Variants in ADCY9 observed in about 807,000 individuals in gnomAD.
ADCY9 encodes adenylate cyclase 9, also known as adenylate cyclase type 9.
Under a neutral mutation model 101.5 loss-of-function variants are expected in ADCY9, and 50 were observed. The observed-to-expected ratio is 0.49, with a 90% CI of 0.39 to 0.62. ADCY9 has a LOEUF of 0.62. Ranked by LOEUF, ADCY9 falls within the 20% of genes least tolerant of loss-of-function variation. The probability of loss-of-function intolerance (pLI) is 0.00; values close to 1 mark genes in which losing one functional copy is unlikely to be tolerated. For synonymous variants in ADCY9, 905 were observed against 769.3 expected, an observed-to-expected ratio of 1.18 and a Z score of -2.92; for missense variants, 1,662 against 1,800.4, an observed-to-expected ratio of 0.92 and a Z score of 1.39.
downstream of ADCY9, among the ~76,000 whole-genome samples, chr16:3,957,686 C>A (rs1010469817): frequency 3.3e-5 from 5 of 150,858 alleles, no homozygotes; most frequent in African/African-American, 1.2e-4. Context: ...GCTAGAAAGC[C>A]GTGGAGAATA....
At chr16:3,960,987 C>T (rs2055934508), downstream of ADCY9, among the ~76,000 whole-genome samples, 1 of 140,648 alleles carries the variant, frequency 7.1e-6, no homozygotes, top group African/African-American at 2.6e-5. Flanking sequence ...CAGGTGGCCA[C>T]AGCCATAGAT....
intron 2 of ADCY9, among the ~76,000 whole-genome samples, chr16:4,076,855 T>A (rs1012546721): frequency 2.0e-5 from 3 of 151,888 alleles, no homozygotes; most frequent in African/African-American, 7.3e-5. Flanking sequence ...GGGAGGAGGA[T>A]CACCTGAGGT....
intron 2 of ADCY9, among the ~76,000 whole-genome samples, chr16:4,044,680 G>C (rs1004150871): frequency 1.3e-5 from 2 of 152,150 alleles, no homozygotes; most frequent in African/African-American, 4.8e-5. Context: ...AACAGAGAAG[G>C]CTGATCTATT....
rs1162803356 is a variant in ADCY9, at chr16:3,966,623, C to G, written c.3214G>C (p.Glu1072Gln). 3 of 1,614,170 alleles carry G rather than the reference C, an allele frequency of 1.9e-6. No homozygotes were observed. The highest frequency in any genetic ancestry group is 1.3e-5 in the African/African-American group (1 of 75,030). The change falls in exon 11 of 11, where the codon GAG becomes CAG. Residue 1072 changes from glutamate to glutamine, a missense_variant. Coordinates refer to ENST00000294016, the MANE Select transcript of ADCY9 (RefSeq NM_001116.4). Reference protein sequence around the residue: ...ASIVNFSEFYEENYEGGKECY... With the variant: ...ASIVNFSEFYQENYEGGKECY... The stretch of plus-strand genomic sequence containing the variant: ...TCCTTGCCGCCCTCGTAGTTCTCCT[C>G]GTAGAACTCGCTGAAGTTGACGATG...
chr16:3,981,427 T>TG (rs1276333981), intron 7 of ADCY9, among the ~76,000 whole-genome samples: 1 of 152,088 alleles, frequency 6.6e-6, no homozygotes. Flanking sequence ...AAGGCAGACC[T>TG]GGGGGAGTGA....
chr16:3,966,187 C>T lies in ADCY9; in HGVS notation c.3650G>A (p.Ser1217Asn). 6.2e-7 allele frequency: 1 copy of T among 1,614,224 alleles called. No homozygotes were observed. The highest frequency in any genetic ancestry group is 8.5e-7 in the Non-Finnish European group (1 of 1,180,044). Residue 1217 changes from serine (S) to asparagine (N), a missense_variant, in exon 11 of 11, where the codon AGC (serine) becomes AAC (asparagine). By Grantham distance (46) the Ser-to-Asn change is conservative. Coordinates refer to ENST00000294016, the MANE Select transcript of ADCY9 (RefSeq NM_001116.4). ...QVSEESYRVL[S>N]KMGYDFDYRG... ...GTAGTCGAAGTCATAGCCCATCTTG[C>T]TCAAGACGCGGTAGCTCTCTTCGCT...
At chr16:4,001,104 T>A (rs1230460919) in intron 3 of ADCY9, among the ~76,000 whole-genome samples, 2 of 152,034 alleles carry the variant, frequency 1.3e-5, no homozygotes, top group African/African-American at 4.8e-5. Flanking sequence ...ATACTCACCG[T>A]ACAGTTATCA....
At position 3,956,488 on chromosome 16, in the gene ADCY9, C is replaced by CTTTTTTTTTTTTTTTT. The variant is rs1555504577; in HGVS notation, c.568-2973_568-2972insAAAAAAAAAAAAAAAA. ...AAGGACAAGACACCAGCGCAATGAG[C>CTTTTTTTTTTTTTTTT]TTTTTTTTTTTTTTTGGGGGGGGAT... On this transcript the variant is annotated intron_variant, in intron 5 of 5. Transcript: ENST00000576936. Among the ~76,000 whole-genome samples, 29 of 68,788 alleles carry CTTTTTTTTTTTTTTTT rather than the reference C, an allele frequency of 4.2e-4. 7 individuals are homozygous for CTTTTTTTTTTTTTTTT. Among genetic ancestry groups the CTTTTTTTTTTTTTTTT allele is most frequent in the African/African-American group, 6.6e-4 (10 of 15,144 alleles). The allele number at this position is 68,788 out of a possible 152,430, so 45.1% of individuals were successfully genotyped here. A position where few individuals can be genotyped will look rare whatever the true frequency, so the allele number is the denominator to read the frequency against.
At chr16:4,072,724 A>G (rs1376110145) in intron 2 of ADCY9, among the ~76,000 whole-genome samples, 1 of 152,238 alleles carries the variant, frequency 6.6e-6, no homozygotes, top group Non-Finnish European at 1.5e-5. Flanking sequence ...CACAGATCCA[A>G]GAAGTTTAGA....
intron 3 of ADCY9, among the ~76,000 whole-genome samples, chr16:3,999,761 G>T (rs904094476): frequency 2.0e-5 from 3 of 152,218 alleles, no homozygotes; most frequent in Non-Finnish European, 4.4e-5. Context: ...TGTGGACGTG[G>T]GCTTTGGAGG....
At chr16:4,102,904 G>C (rs1236952074) in intron 2 of ADCY9, among the ~76,000 whole-genome samples, 2 of 149,650 alleles carry the variant, frequency 1.3e-5, no homozygotes, top group Admixed American at 1.3e-4. Flanking sequence ...GTATTTTTAG[G>C]AGAGACGGAG....
chr16:4,082,987 G>A (rs1387075170), intron 2 of ADCY9, among the ~76,000 whole-genome samples: 1 of 152,186 alleles, frequency 6.6e-6, no homozygotes, highest in African/African-American at 2.4e-5. Flanking sequence ...GTGTCATTCG[G>A]AATGGCTGCA....
intron 2 of ADCY9, among the ~76,000 whole-genome samples, chr16:4,097,501 C>CACACACACTA (rs1555445955): frequency 2.8e-5 from 3 of 105,512 alleles, no homozygotes; most frequent in East Asian, 5.5e-4. Flanking sequence ...CACACACACA[C>CACACACACTA]TATATATATG....
intron 3 of ADCY9, among the ~76,000 whole-genome samples, chr16:3,997,776 G>A (rs1218216313): frequency 1.3e-5 from 2 of 152,192 alleles, no homozygotes; most frequent in Non-Finnish European, 2.9e-5. Flanking sequence ...GGACCCAGCA[G>A]CCATCATTTT....
intron 2 of ADCY9, among the ~76,000 whole-genome samples, chr16:4,020,775 A>G (rs1297094222): frequency 6.6e-6 from 1 of 151,774 alleles, no homozygotes; most frequent in Non-Finnish European, 1.5e-5. Context: ...GCAGTGAGCT[A>G]AGATCGCGCC....
At chr16:4,014,868 T>C (rs1766842575) in intron 2 of ADCY9, among the ~76,000 whole-genome samples, 2 of 150,054 alleles carry the variant, frequency 1.3e-5, no homozygotes, top group South Asian at 4.2e-4. Context: ...CAGTAATGGC[T>C]AAACAGCTGC....
intron 2 of ADCY9, among the ~76,000 whole-genome samples, chr16:4,070,081 G>A (rs918019125): frequency 2.0e-5 from 3 of 151,468 alleles, no homozygotes; most frequent in African/African-American, 7.3e-5. Context: ...CTCGGCAACA[G>A]AGTGAGACTC....
chr16:4,027,508 C>T (rs2056524150), intron 2 of ADCY9, among the ~76,000 whole-genome samples: 1 of 152,278 alleles, frequency 6.6e-6, no homozygotes, highest in Middle Eastern at 3.4e-3. Flanking sequence ...TGGCAGAGGG[C>T]AAGGAGGAGC....
rs1010582355 is a variant in ADCY9 at position 3,963,033 on chromosome 16, G to C, written c.*2742C>G. On this transcript the variant is annotated 3_prime_UTR_variant, in exon 11 of 11. Coordinates refer to ENST00000294016, the MANE Select transcript of ADCY9 (RefSeq NM_001116.4). The stretch of plus-strand genomic sequence containing the variant: ...AGCCTGTGGGGCTCTCAAGCTATTC[G>C]AGGGTTTTGTAACTGATGCTCTACA... The C allele has an allele frequency of 1.3e-5, 2 of 156,528 alleles. No individual in the cohort carries two copies. The highest frequency in any genetic ancestry group is 2.7e-5 in the Non-Finnish European group (2 of 72,842). 9.7% of individuals were successfully genotyped at this position (156,528 alleles called of 1,614,324 possible). A position where few individuals can be genotyped will look rare whatever the true frequency, so the allele number is the denominator to read the frequency against.
Sources: allele counts gnomAD v4.1 joint callset (sites outside exome capture counted in the v4.1 genomes callset), GRCh38; gene constraint gnomAD v4.1.1; transcripts MANE v1.5; gene names NCBI Gene and HGNC (gene_info 2026-07-23, HGNC 2026-07-21).